Variants in MGME1 observed in about 807,000 individuals in gnomAD.
The protein encoded by MGME1 is chromosome 20 open reading frame 72.
A neutral mutation model predicts 33.0 loss-of-function variants in MGME1; 22 were observed. That is an observed-to-expected ratio of 0.67 (90% confidence interval 0.48 to 0.95). The LOEUF (loss-of-function observed/expected upper bound fraction) is 0.95. Among genes scored for constraint, MGME1 ranks in the 40% least tolerant of loss-of-function variants. The probability of loss-of-function intolerance (pLI) is 0.00; values close to 1 mark genes in which losing one functional copy is unlikely to be tolerated. For synonymous variants in MGME1, 133 were observed against 144.0 expected, an observed-to-expected ratio of 0.92 and a Z score of 0.55; for missense variants, 383 against 397.8, an observed-to-expected ratio of 0.96 and a Z score of 0.32.
chr20:17,973,519 TGG>T (rs1009967055), intron 2 of MGME1, among the ~76,000 whole-genome samples: 5 of 151,762 alleles, frequency 3.3e-5, no homozygotes, highest in African/African-American at 4.8e-5. Context: ...CCAGGCGTGG[TGG>T]CACATGCCTG....
At chr20:17,977,829 C>T (rs6111767) in intron 3 of MGME1, among the ~76,000 whole-genome samples, 42,611 of 152,034 alleles carry the variant, frequency 0.28, 6,204 homozygotes, top group East Asian at 0.43. Flanking sequence ...CCCAGCCTCA[C>T]TTTCCTAGCC....
chr20:17,983,129 A>G (rs529882139), intron 3 of MGME1, among the ~76,000 whole-genome samples: 3 of 152,118 alleles, frequency 2.0e-5, no homozygotes, highest in Non-Finnish European at 4.4e-5. Context: ...CGACTTTTTT[A>G]GATTCCACAT....
At chr20:17,979,706 G>A (rs888345638) in intron 3 of MGME1, among the ~76,000 whole-genome samples, 24 of 151,556 alleles carry the variant, frequency 1.6e-4, no homozygotes, top group Admixed American at 5.3e-4. Flanking sequence ...GTGAGCCACC[G>A]CACCGGGCCT....
intron 2 of MGME1, among the ~76,000 whole-genome samples, chr20:17,975,301 G>A (rs528651652): frequency 1.3e-5 from 2 of 152,214 alleles, no homozygotes; most frequent in African/African-American, 2.4e-5. Context: ...GCTCATGCCT[G>A]TAGTCTCAGC....
rs756234546 is a variant in MGME1, at chr20:17,975,713, G to A, written c.541G>A (p.Glu181Lys). 8 of 1,613,620 alleles carry A rather than the reference G, an allele frequency of 5.0e-6. No homozygotes were observed. The highest frequency in any genetic ancestry group is 1.6e-4 in the Middle Eastern group (1 of 6,080). ...CTTTTTACAAGGGAAACGGTTCCAC[G>A]AAGCCTTGGAAAGCATACTTTCACC... ...NVFLQGKRFH[E>K]ALESILSPQE... The change falls in exon 3 of 5, where the codon GAA (glutamate) becomes AAA (lysine). Residue 181 changes from glutamate (E) to lysine (K), a missense_variant. Transcript: ENST00000377710.
At chr20:17,988,902 C>A (rs935167026) in intron 4 of MGME1, among the ~76,000 whole-genome samples, 25 of 150,574 alleles carry the variant, frequency 1.7e-4, no homozygotes, top group African/African-American at 5.4e-4. Context: ...CCAGCCTGGG[C>A]AACATAGTGA....
At chr20:17,972,604 T>G in intron 2 of MGME1, 1 of 923,658 alleles carries the variant, frequency 1.1e-6, no homozygotes, top group East Asian at 1.2e-4. Flanking sequence ...TAAGCAGACT[T>G]GATGCTACAT....
At chr20:17,979,557 A>G (rs745814394) in intron 3 of MGME1, among the ~76,000 whole-genome samples, 7 of 149,114 alleles carry the variant, frequency 4.7e-5, no homozygotes, top group Non-Finnish European at 1.0e-4. Flanking sequence ...CTACAGGCGC[A>G]TGCCACCACG....
intron 2 of MGME1, among the ~76,000 whole-genome samples, chr20:17,972,463 T>A (rs2035755463): frequency 6.7e-6 from 1 of 148,846 alleles, no homozygotes; most frequent in Non-Finnish European, 1.5e-5. Context: ...TTTGCTACGC[T>A]GATTTAATCC....
At chr20:17,970,470 C>G (rs1465585630) in intron 2 of MGME1, 100 bp downstream of exon 2, 5 of 1,232,776 alleles carry the variant, frequency 4.1e-6, no homozygotes, top group Non-Finnish European at 5.6e-6. Context: ...TTTTAACTTA[C>G]TAGCAAGGAA....
At chr20:17,977,368 C>CT (rs1345538876) in intron 3 of MGME1, among the ~76,000 whole-genome samples, 8 of 149,870 alleles carry the variant, frequency 5.3e-5, no homozygotes, top group Non-Finnish European at 8.9e-5. Flanking sequence ...AGGTGAGACT[C>CT]TGTCTCAAAA....
intron 3 of MGME1, among the ~76,000 whole-genome samples, chr20:17,985,036 CAA>C (rs535060718): frequency 0.54 from 55,576 of 103,262 alleles, 12,289 homozygotes; most frequent in African/African-American, 0.59. Context: ...GACTTTGTCT[CAA>C]AAAAAAAAAA....
At chr20:17,977,956 C>G (rs2035909931) in intron 3 of MGME1, among the ~76,000 whole-genome samples, 1 of 152,210 alleles carries the variant, frequency 6.6e-6, no homozygotes, top group Non-Finnish European at 1.5e-5. Flanking sequence ...ATAGAAAAAT[C>G]CGTTCATGTA....
Position 17,988,280 on chromosome 20 carries a change from T to C in MGME1, c.846T>C (p.Asp282=), listed in dbSNP as rs28455091. ...VVAYMGAMNH[D]TNYSFQVQCG... is the part of the protein sequence containing the mutation. ...CATACATGGGTGCCATGAACCATGA[T>C]ACCAACTACAGCTTTCAGGTCAGGA... The change falls in exon 4 of 5, where the codon GAT becomes GAC. Residue 282 remains aspartate, a synonymous_variant. Transcript: ENST00000377710. The C allele has an allele frequency of 0.3, 483,560 of 1,613,072 alleles. 74,532 individuals carry two copies. Among genetic ancestry groups the C allele is most frequent in the South Asian group, 0.41 (37,350 of 90,938 alleles).
chr20:17,968,653 G>A (rs1266388713), upstream of MGME1: 5 of 607,142 alleles, frequency 8.2e-6, no homozygotes, highest in African/African-American at 7.8e-5. Context: ...CCCAGTCCCC[G>A]CTGCCGTCCA....
At chr20:17,982,674 A>G (rs2036053648) in intron 3 of MGME1, among the ~76,000 whole-genome samples, 1 of 152,226 alleles carries the variant, frequency 6.6e-6, no homozygotes, top group Non-Finnish European at 1.5e-5. Flanking sequence ...TTTAATTTGC[A>G]TGTCACATAA....
intron 2 of MGME1, among the ~76,000 whole-genome samples, chr20:17,970,703 T>C (rs900524514): frequency 3.9e-5 from 6 of 152,228 alleles, no homozygotes; most frequent in African/African-American, 1.4e-4. Flanking sequence ...AAAAGTCACC[T>C]GGTAACAGAA....
chr20:17,989,903 G>A, intron 4 of MGME1, 36 bp from the exon 5 acceptor site: 1 of 1,603,078 alleles, frequency 6.2e-7, no homozygotes, highest in Admixed American at 1.7e-5. Flanking sequence ...TGGACCTACT[G>A]TAGTGAAACG....
intron 3 of MGME1, among the ~76,000 whole-genome samples, chr20:17,979,269 G>A (rs2035943997): frequency 6.6e-6 from 1 of 151,874 alleles, no homozygotes; most frequent in Non-Finnish European, 1.5e-5. Flanking sequence ...TGTAGAGATG[G>A]GGTTTTGCCA....
Sources: allele counts gnomAD v4.1 joint callset (sites outside exome capture counted in the v4.1 genomes callset), GRCh38; gene constraint gnomAD v4.1.1; transcripts MANE v1.5; gene names NCBI Gene and HGNC (gene_info 2026-07-23, HGNC 2026-07-21).